The following SHISA9 variants were observed in gnomAD, a reference collection of about 807,000 sequenced individuals.
SHISA9 encodes protein shisa-9.
In SHISA9, 13 loss-of-function variants were observed where a neutral mutation model predicts 38.0. The observed-to-expected ratio is 0.34, with a 90% confidence interval of 0.22 to 0.54. The LOEUF (loss-of-function observed/expected upper bound fraction) is 0.54, where lower values mean the gene tolerates loss of function less well. SHISA9 is among the 20% of genes least tolerant of loss of function. SHISA9 has a pLI of 0.91. For missense variants in SHISA9, 538 were observed against 575.8 expected, an observed-to-expected ratio of 0.93 and a Z score of 0.67; for synonymous variants, 275 against 242.0, an observed-to-expected ratio of 1.14 and a Z score of -1.27.
intron 2 of SHISA9, among the ~76,000 whole-genome samples, chr16:13,169,955 C>T (rs1001353844): frequency 4.6e-5 from 7 of 152,120 alleles, no homozygotes; most frequent in Admixed American, 2.0e-4. Flanking sequence ...ATAATCCCAG[C>T]ACTTTGGGAG....
chr16:13,071,175 A>G (rs2073509375), intron 2 of SHISA9, among the ~76,000 whole-genome samples: 1 of 152,200 alleles, frequency 6.6e-6, no homozygotes, highest in African/African-American at 2.4e-5. Flanking sequence ...TCAAGATGGC[A>G]AATTTTATGT....
chr16:12,912,957 C>T (rs1218910062), intron 1 of SHISA9, among the ~76,000 whole-genome samples: 3 of 152,144 alleles, frequency 2.0e-5, no homozygotes, highest in Admixed American at 6.5e-5. Context: ...ATCATCTTCA[C>T]GTGTCCAACT....
the SHISA9 span, among the ~76,000 whole-genome samples, chr16:13,411,324 G>C: frequency 6.6e-6 from 1 of 152,236 alleles, no homozygotes; most frequent in Non-Finnish European, 1.5e-5. Flanking sequence ...TCTGCAAGAA[G>C]CTCTGCCACT....
At chr16:13,047,772 C>G (rs904776345) in intron 2 of SHISA9, among the ~76,000 whole-genome samples, 1 of 152,152 alleles carries the variant, frequency 6.6e-6, no homozygotes, top group African/African-American at 2.4e-5. Context: ...GGGCTTATTG[C>G]TATGAATACT....
At chr16:13,081,951 C>G (rs1706061818) in intron 2 of SHISA9, among the ~76,000 whole-genome samples, 1 of 151,910 alleles carries the variant, frequency 6.6e-6, no homozygotes, top group South Asian at 2.1e-4. Flanking sequence ...ATTTACTGCC[C>G]CTCATCTAGA....
the SHISA9 span, among the ~76,000 whole-genome samples, chr16:13,329,808 G>A: frequency 6.6e-6 from 1 of 152,190 alleles, no homozygotes; most frequent in African/African-American, 2.4e-5. Context: ...GTCCTGGAAA[G>A]ATATTTGGGG....
chr16:13,428,267 A>G, the SHISA9 span, among the ~76,000 whole-genome samples: 17 of 152,200 alleles, frequency 1.1e-4, no homozygotes, highest in South Asian at 6.2e-4. Context: ...ATTTGTGCTT[A>G]GAATAACTAG....
chr16:13,444,285 T>G, the SHISA9 span, among the ~76,000 whole-genome samples: 3 of 151,820 alleles, frequency 2.0e-5, no homozygotes, highest in Non-Finnish European at 4.4e-5. Flanking sequence ...GTGGGAGGAT[T>G]GCTTGAGCCC....
At chr16:12,912,259 C>T (rs770094472) in intron 1 of SHISA9, among the ~76,000 whole-genome samples, 1 of 152,202 alleles carries the variant, frequency 6.6e-6, no homozygotes, top group Non-Finnish European at 1.5e-5. Flanking sequence ...TTCTGCCGCA[C>T]ACTCTAGGAA....
intron 4 of SHISA9, among the ~76,000 whole-genome samples, chr16:13,227,756 A>C (rs1027242392): frequency 2.0e-5 from 3 of 152,094 alleles, no homozygotes; most frequent in Non-Finnish European, 4.4e-5. Flanking sequence ...CTGACCACCA[A>C]CTCCCTCCTG....
intron 2 of SHISA9, among the ~76,000 whole-genome samples, chr16:13,147,896 A>G (rs1477131914): frequency 6.6e-6 from 1 of 152,222 alleles, no homozygotes; most frequent in African/African-American, 2.4e-5. Context: ...AGAGAAGCTC[A>G]CATGTGCCAA....
the SHISA9 span, among the ~76,000 whole-genome samples, chr16:13,420,595 A>C: frequency 6.6e-6 from 1 of 152,160 alleles, no homozygotes; most frequent in African/African-American, 2.4e-5. Context: ...CATATAGAAG[A>C]AACACCCATT....
At chr16:13,139,901 G>A (rs940126369) in intron 2 of SHISA9, among the ~76,000 whole-genome samples, 1 of 152,164 alleles carries the variant, frequency 6.6e-6, no homozygotes, top group African/African-American at 2.4e-5. Flanking sequence ...CTCTGACTCA[G>A]TTGAGGTCCC....
At chr16:13,213,337 G>A (rs1181435674) in intron 4 of SHISA9, 37 bp downstream of exon 4, 2 of 1,540,608 alleles carry the variant, frequency 1.3e-6, no homozygotes, top group South Asian at 1.2e-5. Context: ...TTGTCCAGGT[G>A]TTGTCAAAGT....
At chr16:13,046,281 G>A (rs763794870) in intron 2 of SHISA9, among the ~76,000 whole-genome samples, 1 of 152,148 alleles carries the variant, frequency 6.6e-6, no homozygotes, top group Non-Finnish European at 1.5e-5. Context: ...CCTAAATTTA[G>A]GTCCTATATG....
intron 2 of SHISA9, among the ~76,000 whole-genome samples, chr16:12,958,620 G>T (rs1204345041): frequency 6.6e-6 from 1 of 152,208 alleles, no homozygotes; most frequent in Non-Finnish European, 1.5e-5. Context: ...GGCAAGACTG[G>T]TGCTTATGAT....
chr16:13,556,837 CTT>C, the SHISA9 span, among the ~76,000 whole-genome samples: 2 of 151,866 alleles, frequency 1.3e-5, no homozygotes, highest in South Asian at 2.1e-4. Context: ...TATAAAAAGA[CTT>C]GTGTAGCATT....
the SHISA9 span, among the ~76,000 whole-genome samples, chr16:13,514,196 T>C: frequency 2.6e-5 from 4 of 152,188 alleles, no homozygotes; most frequent in Admixed American, 2.6e-4. Flanking sequence ...GGTTTCATCA[T>C]GTTGGTCAGG....
chr16:13,200,483 C>T (rs1417125272), intron 2 of SHISA9, among the ~76,000 whole-genome samples: 2 of 150,968 alleles, frequency 1.3e-5, no homozygotes, highest in Admixed American at 1.3e-4. Flanking sequence ...GAGAACTTAA[C>T]AGTAAGCCAT....
Sources: allele counts gnomAD v4.1 joint callset (sites outside exome capture counted in the v4.1 genomes callset), GRCh38; gene constraint gnomAD v4.1.1; transcripts MANE v1.5; gene names NCBI Gene and HGNC (gene_info 2026-07-23, HGNC 2026-07-21).